ABCC11: variants seen among roughly 807,000 people sequenced by gnomAD.
ABCC11 encodes the protein ATP binding cassette subfamily C member 11, also known as ATP-binding cassette sub-family C member 11.
ABCC11 carries 135 observed loss-of-function variants against 149.3 expected under a neutral mutation model. The ratio of observed to expected loss-of-function variants is 0.90; its 90% CI spans 0.79 to 1.04. ABCC11 has a LOEUF of 1.04. ABCC11 is among the 50% of genes least tolerant of loss of function. ABCC11 has a pLI of 0.00. For missense variants in ABCC11, 1,680 were observed against 1,722.1 expected, an observed-to-expected ratio of 0.98 and a Z score of 0.43; for synonymous variants, 665 against 671.4, an observed-to-expected ratio of 0.99 and a Z score of 0.15.
chr16:48,186,179 C>T (rs930057072), intron 22 of ABCC11, among the ~76,000 whole-genome samples: 1 of 152,108 alleles, frequency 6.6e-6, no homozygotes, highest in Non-Finnish European at 1.5e-5. Flanking sequence ...ATCCAATATT[C>T]CAGCTAACTG....
chr16:48,218,769 T>C (rs1031481174), intron 6 of ABCC11, among the ~76,000 whole-genome samples: 1 of 152,220 alleles, frequency 6.6e-6, no homozygotes, highest in African/African-American at 2.4e-5. Flanking sequence ...AGATGTGCCT[T>C]TCACCTTCCG....
chr16:48,218,652 G>C (rs1210281650), intron 6 of ABCC11, among the ~76,000 whole-genome samples: 1 of 152,130 alleles, frequency 6.6e-6, no homozygotes, highest in Non-Finnish European at 1.5e-5. Context: ...TGTTGTGGGA[G>C]GGACTATTCT....
chr16:48,230,449 C>T lies in ABCC11; in HGVS notation c.224G>A (p.Arg75His), dbSNP rs148400454. The T allele has an allele frequency of 5.7e-5, 92 of 1,607,466 alleles. No homozygotes were observed. Among genetic ancestry groups the T allele is most frequent in the African/African-American group, 3.6e-4 (27 of 74,620 alleles). ...DAALRTMIPF[R>H]PKPRFPAPQP... ...CATCAGGACTCACCTCGGCTTGGGACGGAAGGGAATCATGGTTCTCAAGGC... is the reference window on the plus strand; with the variant it reads ...CATCAGGACTCACCTCGGCTTGGGATGGAAGGGAATCATGGTTCTCAAGGC... Residue 75 changes from arginine to histidine, a missense_variant, in exon 3 of 30, where the codon CGT becomes CAT. Physicochemically the swap from Arg to His is conservative, Grantham distance 29 (BLOSUM62 0). Coordinates refer to ENST00000356608, the MANE Select transcript of ABCC11 (RefSeq NM_001370497.1).
intron 4 of ABCC11, among the ~76,000 whole-genome samples, chr16:48,224,824 A>C (rs1221985264): frequency 1.3e-5 from 2 of 152,154 alleles, no homozygotes; most frequent in African/African-American, 4.8e-5. Context: ...GGGGTTCGAG[A>C]CCAGTCTGGT....
At chr16:48,190,651 T>C (rs984708510) in intron 20 of ABCC11, among the ~76,000 whole-genome samples, 1 of 152,192 alleles carries the variant, frequency 6.6e-6, no homozygotes, top group African/African-American at 2.4e-5. Flanking sequence ...AGGCGTGAGC[T>C]ACTGCACCCA....
At chr16:48,204,707 G>C (rs1055969484) in intron 13 of ABCC11, among the ~76,000 whole-genome samples, 1 of 152,130 alleles carries the variant, frequency 6.6e-6, no homozygotes, top group African/African-American at 2.4e-5. Context: ...TGTTGTTCCC[G>C]GGGGCAGATT....
Position 48,167,266 on chromosome 16 carries a change from A to C in ABCC11, c.*8T>G, listed in dbSNP as rs1290363809. 3 of 802,842 alleles carry C rather than the reference A, an allele frequency of 3.7e-6. No individual in the cohort carries two copies. In the Admixed American group the frequency reaches 5.1e-5, roughly 14 times the overall value. The allele number at this position is 802,842 out of a possible 1,614,324, so 49.7% of individuals were successfully genotyped here. ...AGCTGCCAGCCTCCATGAAGTCTCC[A>C]CATCTCCTTATCTCAGTGAAGAAGT... On this transcript the variant is annotated 3_prime_UTR_variant, in exon 30 of 30. Coordinates refer to ENST00000356608, the MANE Select transcript of ABCC11 (RefSeq NM_001370497.1).
At position 48,166,051 on chromosome 16, in the gene ABCC11, G is replaced by A. The variant is rs1267235233; in HGVS notation, c.*1223C>T. Among the ~76,000 whole-genome samples the A allele has an allele frequency of 6.6e-6, 1 of 152,172 alleles. No homozygotes were observed. The highest frequency in any genetic ancestry group is 2.4e-5 in the African/African-American group (1 of 41,442). On this transcript the variant is annotated 3_prime_UTR_variant, in exon 30 of 30. Coordinates refer to ENST00000356608, the MANE Select transcript of ABCC11 (RefSeq NM_001370497.1). ...CAATCATAGTAGACAGCTGCTATCT[G>A]GGGCCTGGCCAGCATCCATATCCAT...
Position 48,211,032 on chromosome 16 carries a change from G to T in ABCC11, c.1524C>A (p.Thr508=), listed in dbSNP as rs1270803994. Residue 508 remains threonine, a synonymous_variant, in exon 11 of 30, where the codon ACC becomes ACA. Transcript: ENST00000356608. ...CTGGCCCGAGGGCATCTCTAGGCCT[G>T]GTCATCCCCTCAGAAGCATGCCCGT... The part of the protein sequence containing the change: ...ERNGHASEGM[T]RPRDALGPEE... The T allele has an allele frequency of 6.2e-7, 1 of 1,614,090 alleles. No individual in the cohort carries two copies. Among genetic ancestry groups the T allele is most frequent in the African/African-American group, 1.3e-5 (1 of 74,928 alleles).
chr16:48,182,561 C>T (rs1209495624), intron 23 of ABCC11, among the ~76,000 whole-genome samples: 1 of 152,074 alleles, frequency 6.6e-6, no homozygotes, highest in Non-Finnish European at 1.5e-5. Flanking sequence ...GGGTGGATCA[C>T]GAGGTCAGGA....
At chr16:48,213,970 G>T (rs1418975258) in intron 9 of ABCC11, among the ~76,000 whole-genome samples, 1 of 152,160 alleles carries the variant, frequency 6.6e-6, no homozygotes, top group Non-Finnish European at 1.5e-5. Flanking sequence ...CTTTGCCTTA[G>T]ATGTTTGTTT....
At chr16:48,219,062 C>T (rs13335504) in intron 6 of ABCC11, among the ~76,000 whole-genome samples, 21,858 of 151,910 alleles carry the variant, frequency 0.14, 2,082 homozygotes, top group African/African-American at 0.28. Context: ...AAGAGGAGGA[C>T]GCTATGTAAA....
chr16:48,213,565 G>C lies in ABCC11; in HGVS notation c.1249-15C>G. On this transcript the variant is annotated splice_polypyrimidine_tract_variant and intron_variant, in intron 9 of 29. Coordinates refer to ENST00000356608, the MANE Select transcript of ABCC11 (RefSeq NM_001370497.1). ...ATGCTGAAGGCCTGGATAAGAAGGGGAGGAGGTGGTGAGGGTCGTGGCCCT... is the reference window on the plus strand; with the variant it reads ...ATGCTGAAGGCCTGGATAAGAAGGGCAGGAGGTGGTGAGGGTCGTGGCCCT... The C allele has an allele frequency of 6.2e-7, 1 of 1,600,726 alleles. No individual in the cohort carries two copies. The highest frequency in any genetic ancestry group is 8.5e-7 in the Non-Finnish European group (1 of 1,173,178).
intron 12 of ABCC11, among the ~76,000 whole-genome samples, chr16:48,207,731 A>G (rs1968566025): frequency 6.6e-6 from 1 of 152,110 alleles, no homozygotes; most frequent in Non-Finnish European, 1.5e-5. Context: ...GAAAAGAAAG[A>G]AAAAAGAAAC....
At chr16:48,241,313 A>T (rs1970957623) in intron 1 of ABCC11, among the ~76,000 whole-genome samples, 1 of 152,194 alleles carries the variant, frequency 6.6e-6, no homozygotes, top group Non-Finnish European at 1.5e-5. Context: ...GATAAACTCC[A>T]ATTGAATGAA....
chr16:48,245,847 G>A (rs997534982), intron 1 of ABCC11, among the ~76,000 whole-genome samples: 6 of 151,848 alleles, frequency 4.0e-5, no homozygotes, highest in African/African-American at 1.2e-4. Flanking sequence ...CTGGTATATC[G>A]TATGCTCTCA....
intron 18 of ABCC11, among the ~76,000 whole-genome samples, chr16:48,195,373 C>T (rs1422954352): frequency 1.3e-5 from 2 of 152,188 alleles, no homozygotes; most frequent in Non-Finnish European, 2.9e-5. Flanking sequence ...TCTGGGCAGG[C>T]CCTGGGTTAC....
At chr16:48,203,390 A>G (rs1398948235) in intron 13 of ABCC11, 90 bp from the exon 14 acceptor site, 1 of 1,231,520 alleles carries the variant, frequency 8.1e-7, no homozygotes, top group Non-Finnish European at 1.2e-6. Context: ...CTTGATTTTC[A>G]TGCTAAGAAA....
intron 6 of ABCC11, among the ~76,000 whole-genome samples, chr16:48,222,185 T>C (rs1969789793): frequency 1.3e-5 from 2 of 151,864 alleles, no homozygotes; most frequent in African/African-American, 4.8e-5. Context: ...TGCCTTGGCC[T>C]TCCACAACTG....
Sources: allele counts gnomAD v4.1 joint callset (sites outside exome capture counted in the v4.1 genomes callset), GRCh38; gene constraint gnomAD v4.1.1; transcripts MANE v1.5; gene names NCBI Gene and HGNC (gene_info 2026-07-23, HGNC 2026-07-21).